The following KLHL13 variants were observed in gnomAD, a reference collection of about 807,000 sequenced individuals.
KLHL13 encodes kelch-like protein 13.
Under a neutral mutation model 37.1 loss-of-function variants are expected in KLHL13, and 10 were observed. The observed-to-expected ratio is 0.27, with a 90% CI of 0.17 to 0.46. The LOEUF (loss-of-function observed/expected upper bound fraction) is 0.46, where lower values mean the gene tolerates loss of function less well. Ranked by LOEUF, KLHL13 falls within the 20% of genes least tolerant of loss-of-function variation. The pLI is 1.00. For synonymous variants in KLHL13, 163 were observed against 181.2 expected (o/e 0.90, Z 0.81); for missense variants, 360 against 509.3 (o/e 0.71, Z 2.82).
chrX:117,930,240 GGGAGGAAGGA>G (rs1569418476), intron 2 of KLHL13, among the ~76,000 whole-genome samples: 1 of 81,754 alleles, frequency 1.2e-5, no homozygotes, highest in African/African-American at 5.8e-5. Flanking sequence ...AAGGAAGGAA[GGGAGGAAGGA>G]AGGAAGGAAG....
At chrX:117,988,490 AG>A (rs2053752704) in intron 1 of KLHL13, among the ~76,000 whole-genome samples, 1 of 111,984 alleles carries the variant, frequency 8.9e-6, no homozygotes, top group South Asian at 3.7e-4. Context: ...GATCTAAAGA[AG>A]GGTTAGCCAG....
intron 1 of KLHL13, among the ~76,000 whole-genome samples, chrX:118,094,663 G>A (rs1375969334): frequency 9.0e-6 from 1 of 111,294 alleles, no homozygotes; most frequent in East Asian, 2.8e-4. Context: ...ACCCACAAAG[G>A]GAAGCCCATC....
At chrX:117,950,333 G>A (rs1933523920) in intron 1 of KLHL13, among the ~76,000 whole-genome samples, 1 of 111,302 alleles carries the variant, frequency 9.0e-6, no homozygotes, top group Admixed American at 9.6e-5. Flanking sequence ...CGCGCGCAGT[G>A]GCAGGTGCCT....
At chrX:118,098,469 T>C (rs1169261407) in intron 1 of KLHL13, among the ~76,000 whole-genome samples, 1 of 111,082 alleles carries the variant, frequency 9.0e-6, no homozygotes, top group Non-Finnish European at 1.9e-5. Flanking sequence ...ACTTTTACAC[T>C]GTTGGTGGGA....
chrX:117,931,307 C>A (rs1428879557), intron 2 of KLHL13, among the ~76,000 whole-genome samples: 1 of 111,801 alleles, frequency 8.9e-6, no homozygotes, highest in East Asian at 2.8e-4. Context: ...AGGCATTTTC[C>A]ACCTTTATAG....
At chrX:117,952,650 A>G (rs1249378577) in intron 1 of KLHL13, among the ~76,000 whole-genome samples, 3 of 109,731 alleles carry the variant, frequency 2.7e-5, no homozygotes, top group Non-Finnish European at 5.7e-5. Flanking sequence ...TTTGCAACCT[A>G]CTCATCTGAC....
chrX:118,066,827 C>A (rs1314958358), intron 1 of KLHL13, among the ~76,000 whole-genome samples: 1 of 111,414 alleles, frequency 9.0e-6, no homozygotes, highest in Admixed American at 9.6e-5. Flanking sequence ...GGGCAAAAAT[C>A]TGAACACATA....
At chrX:118,087,914 C>T (rs2055073628) in intron 1 of KLHL13, among the ~76,000 whole-genome samples, 1 of 111,673 alleles carries the variant, frequency 9.0e-6, no homozygotes, top group Admixed American at 9.5e-5. Context: ...CATTACTGGG[C>T]TTCAGTTTCC....
At chrX:117,959,843 A>C (rs2147854074) in intron 1 of KLHL13, among the ~76,000 whole-genome samples, 1 of 111,918 alleles carries the variant, frequency 8.9e-6, no homozygotes, top group South Asian at 3.7e-4. Flanking sequence ...GCAACTTGTA[A>C]ATGATTAAGC....
At chrX:118,081,068 T>C (rs1031942039) in intron 1 of KLHL13, among the ~76,000 whole-genome samples, 1 of 111,144 alleles carries the variant, frequency 9.0e-6, no homozygotes, top group South Asian at 3.8e-4. Context: ...ATTGAGCACA[T>C]ATGGACATAA....
chrX:117,905,614 AT>A (rs1437874360), intron 5 of KLHL13, among the ~76,000 whole-genome samples: 1 of 111,581 alleles, frequency 9.0e-6, no homozygotes, highest in African/African-American at 3.3e-5. Context: ...GGCCTAATGC[AT>A]TAAAGTGATC....
At chrX:117,990,457 G>A (rs960776525) in intron 1 of KLHL13, among the ~76,000 whole-genome samples, 1 of 112,001 alleles carries the variant, frequency 8.9e-6, no homozygotes, top group African/African-American at 3.2e-5. Context: ...ATTGAAAAAT[G>A]AAACAATATC....
intron 1 of KLHL13, among the ~76,000 whole-genome samples, chrX:118,061,225 C>T (rs1402732163): frequency 9.0e-6 from 1 of 111,563 alleles, no homozygotes; most frequent in South Asian, 3.8e-4. Context: ...TAGGAATAGC[C>T]AATGAGTCCA....
chrX:117,901,775 G>A, intron 6 of KLHL13, 58 bp downstream of exon 7: 1 of 565,128 alleles, frequency 1.8e-6, no homozygotes, highest in Non-Finnish European at 2.9e-6. Context: ...TATATGGAAA[G>A]ATAACCATAT....
At chrX:117,945,800 C>A in intron 1 of KLHL13, 1 of 288,923 alleles carries the variant, frequency 3.5e-6, no homozygotes, top group Non-Finnish European at 6.1e-6. Context: ...ACTGAGAAAT[C>A]AACTTAAAAG....
chrX:117,971,701 T>C (rs181456249), intron 1 of KLHL13, among the ~76,000 whole-genome samples: 3 of 111,137 alleles, frequency 2.7e-5, no homozygotes, highest in Non-Finnish European at 5.7e-5. Context: ...TGAAAGGGTT[T>C]CAAAGAAAGA....
At chrX:118,060,446 T>C (rs1367423989) in intron 1 of KLHL13, among the ~76,000 whole-genome samples, 2 of 111,513 alleles carry the variant, frequency 1.8e-5, no homozygotes, top group African/African-American at 6.5e-5. Flanking sequence ...CTAACAAGTA[T>C]GCCATTACAT....
intron 1 of KLHL13, among the ~76,000 whole-genome samples, chrX:118,094,921 AG>A (rs1475869196): frequency 8.9e-6 from 1 of 111,960 alleles, no homozygotes; most frequent in Non-Finnish European, 1.9e-5. Context: ...AACTGGTACC[AG>A]CCACTGCAAA....
At chrX:117,899,311 G>C (rs1219739062) in exon 7 of KLHL13, 2 of 1,209,539 alleles carry the variant, frequency 1.7e-6, no homozygotes, top group Non-Finnish European at 2.2e-6. Context: ...TCTGACAGTG[G>C]TCATTGGCGC....
Sources: gnomAD v4.1 joint callset for allele counts (sites outside exome capture counted in the v4.1 genomes callset) on GRCh38, gnomAD v4.1.1 for gene constraint, MANE v1.5 for transcripts, NCBI Gene and HGNC (gene_info 2026-07-23, HGNC 2026-07-21) for gene names.